The following TBC1D8 variants were observed in gnomAD, a reference collection of about 807,000 sequenced individuals.
The protein encoded by TBC1D8 is TBC1 domain family member 8.
Under a neutral mutation model 118.8 loss-of-function variants are expected in TBC1D8, and 65 were observed. The ratio of observed to expected loss-of-function variants is 0.55; its 90% CI spans 0.45 to 0.67. The LOEUF is 0.67. Ranked by LOEUF, TBC1D8 falls within the 30% of genes least tolerant of loss-of-function variation. The probability of loss-of-function intolerance (pLI) is 0.00; values close to 1 mark genes in which losing one functional copy is unlikely to be tolerated. For synonymous variants in TBC1D8, 566 were observed against 595.8 expected (o/e 0.95, Z 0.73); for missense variants, 1,376 against 1,471.2 (o/e 0.94, Z 1.06).
chr2:101,151,254 C>G lies in TBC1D8; in HGVS notation c.-1G>C. On this transcript the variant is annotated 5_prime_UTR_variant, in exon 1 of 20. Transcript: ENST00000409318. ...GCACCTCCTCGGGCTTGAGCCACAT[C>G]GCGGCGGTCCGGCCGCGCCCGCCGG... 1 of 1,156,678 alleles carries G rather than the reference C, an allele frequency of 8.6e-7. No homozygotes were observed. Among genetic ancestry groups the G allele is most frequent in the Non-Finnish European group, 1.1e-6 (1 of 923,672 alleles). 71.7% of individuals were successfully genotyped at this position (1,156,678 alleles called of 1,614,324 possible).
chr2:101,106,965 T>G (rs1215362873), intron 1 of TBC1D8, among the ~76,000 whole-genome samples: 3 of 152,256 alleles, frequency 2.0e-5, no homozygotes, highest in African/African-American at 7.2e-5. Flanking sequence ...GAGGCTAAGC[T>G]ATAATGTTTG....
At chr2:101,028,527 C>G (rs926275026) in intron 12 of TBC1D8, 95 bp from the exon 13 acceptor site, 10 of 1,459,810 alleles carry the variant, frequency 6.9e-6, no homozygotes, top group Non-Finnish European at 9.1e-6. Flanking sequence ...AGGGCACTTC[C>G]AAACACCAAC....
intron 1 of TBC1D8, among the ~76,000 whole-genome samples, chr2:101,141,857 A>T (rs1283184358): frequency 1.3e-5 from 2 of 151,910 alleles, no homozygotes; most frequent in Non-Finnish European, 2.9e-5. Context: ...ACTAAAAAAA[A>T]GGTAAGCCAA....
At chr2:101,013,147 T>G (rs767370130) in intron 17 of TBC1D8, among the ~76,000 whole-genome samples, 1 of 152,140 alleles carries the variant, frequency 6.6e-6, no homozygotes, top group Non-Finnish European at 1.5e-5. Flanking sequence ...GGTAAAGTAT[T>G]AACAGTGACA....
chr2:101,024,949 C>T (rs1221415725), intron 15 of TBC1D8, among the ~76,000 whole-genome samples: 1 of 152,118 alleles, frequency 6.6e-6, no homozygotes, highest in Non-Finnish European at 1.5e-5. Flanking sequence ...AAACTGCAAT[C>T]ACTAAAAAAG....
chr2:101,084,765 C>T (rs963951661), intron 2 of TBC1D8, among the ~76,000 whole-genome samples: 3 of 151,888 alleles, frequency 2.0e-5, no homozygotes, highest in Admixed American at 2.0e-4. Context: ...GTGTCTGGTA[C>T]GTGGCAGGCA....
At chr2:101,097,444 T>C (rs566658587) in intron 1 of TBC1D8, among the ~76,000 whole-genome samples, 1 of 152,138 alleles carries the variant, frequency 6.6e-6, no homozygotes, top group Admixed American at 6.5e-5. Flanking sequence ...AAGATAATCG[T>C]CTAAAGTAGT....
intron 15 of TBC1D8, 81 bp downstream of exon 15, chr2:101,027,302 T>C: frequency 7.6e-7 from 1 of 1,320,690 alleles, no homozygotes; most frequent in South Asian, 1.2e-5. Flanking sequence ...GGCAGCTGCA[T>C]GCTGTCCCCT....
At chr2:101,106,509 A>T (rs1352145885) in intron 1 of TBC1D8, among the ~76,000 whole-genome samples, 2 of 152,348 alleles carry the variant, frequency 1.3e-5, no homozygotes, top group East Asian at 3.9e-4. Flanking sequence ...TTTGGAAATA[A>T]GTGGAGTCTG....
intron 2 of TBC1D8, among the ~76,000 whole-genome samples, chr2:101,062,025 G>A (rs530018839): frequency 6.6e-6 from 1 of 152,186 alleles, no homozygotes; most frequent in Non-Finnish European, 1.5e-5. Context: ...GGGTACATCT[G>A]GTTTACCTGC....
intron 17 of TBC1D8, 91 bp from the exon 18 acceptor site, chr2:101,011,631 G>A: frequency 1.5e-6 from 2 of 1,348,486 alleles, no homozygotes; most frequent in Non-Finnish European, 2.1e-6. Context: ...TAAAGGCTAA[G>A]CCAGCAGCTC....
At chr2:101,008,950 C>T (rs1190173782) in intron 19 of TBC1D8, among the ~76,000 whole-genome samples, 1 of 152,180 alleles carries the variant, frequency 6.6e-6, no homozygotes, top group Non-Finnish European at 1.5e-5. Flanking sequence ...GAAGGCCATG[C>T]AGGACCTAAA....
intron 1 of TBC1D8, among the ~76,000 whole-genome samples, chr2:101,122,404 A>G (rs1678166208): frequency 7.1e-6 from 1 of 140,202 alleles, no homozygotes; most frequent in Non-Finnish European, 1.6e-5. Flanking sequence ...AAAAAAAAAA[A>G]AAAAAAAGCA....
At chr2:101,087,635 C>T (rs2105454026) in intron 2 of TBC1D8, among the ~76,000 whole-genome samples, 1 of 132,514 alleles carries the variant, frequency 7.5e-6, no homozygotes, top group Non-Finnish European at 1.6e-5. Flanking sequence ...AAAAGCAAGA[C>T]TCTGTCTCAA....
At chr2:101,082,425 C>A (rs753808809) in intron 2 of TBC1D8, among the ~76,000 whole-genome samples, 9 of 152,134 alleles carry the variant, frequency 5.9e-5, no homozygotes, top group Non-Finnish European at 1.3e-4. Flanking sequence ...GGCTGGGCAC[C>A]CTGGCCCTCC....
Position 101,029,521 on chromosome 2 carries a change from T to C in TBC1D8, c.2192A>G (p.Asp731Gly), listed in dbSNP as rs1344862091. 6.2e-7 allele frequency: 1 copy of C among 1,613,788 alleles called. No homozygotes were observed. Among genetic ancestry groups the C allele is most frequent in the Non-Finnish European group, 8.5e-7 (1 of 1,179,816 alleles). ...ANAEDLCSSK[D>G]DGQALMILSR... is the part of the protein sequence containing the mutation. ...GAGGATCATCAAGGCCTGGCCATCA[T>C]CCTTGCTGCTGCACAGGTCCTCAGC... Residue 731 changes from aspartate to glycine, a missense_variant, in exon 12 of 20, where the codon GAT (aspartate) becomes GGT (glycine). Transcript: ENST00000409318.
intron 1 of TBC1D8, among the ~76,000 whole-genome samples, chr2:101,132,400 C>T (rs78858210): frequency 2.0e-5 from 3 of 152,118 alleles, no homozygotes; most frequent in African/African-American, 7.2e-5. Context: ...TGCCAGGTGA[C>T]CCCATGATGT....
At chr2:101,118,504 G>A (rs1161119730) in intron 1 of TBC1D8, among the ~76,000 whole-genome samples, 7 of 150,268 alleles carry the variant, frequency 4.7e-5, no homozygotes, top group Non-Finnish European at 8.9e-5. Context: ...AGACCATCCT[G>A]GCTAACACGG....
intron 19 of TBC1D8, among the ~76,000 whole-genome samples, chr2:101,008,678 G>A (rs1050434702): frequency 4.6e-5 from 7 of 152,148 alleles, no homozygotes; most frequent in Non-Finnish European, 7.4e-5. Flanking sequence ...CAGGCATGGT[G>A]ACCCATGCCT....
Sources: gnomAD v4.1 joint callset for allele counts (sites outside exome capture counted in the v4.1 genomes callset) on GRCh38, gnomAD v4.1.1 for gene constraint, MANE v1.5 for transcripts, NCBI Gene and HGNC (gene_info 2026-07-23, HGNC 2026-07-21) for gene names.